Variants in PDE7B observed in about 807,000 individuals in gnomAD.
The protein encoded by PDE7B is 3',5'-cyclic-AMP phosphodiesterase 7B.
In PDE7B, 29 loss-of-function variants were observed where a neutral mutation model predicts 56.2. The ratio of observed to expected loss-of-function variants is 0.52; its 90% CI spans 0.38 to 0.70. PDE7B has a LOEUF of 0.70. PDE7B is among the 30% of genes least tolerant of loss of function. The pLI is 0.00. For missense variants in PDE7B, 490 were observed against 565.0 expected (o/e 0.87, Z 1.35); for synonymous variants, 197 against 196.9 (o/e 1.00, Z 0.00).
At chr6:135,863,686 C>A (rs1775195627) in intron 1 of PDE7B, among the ~76,000 whole-genome samples, 1 of 145,738 alleles carries the variant, frequency 6.9e-6, no homozygotes. Context: ...TAAAACATCC[C>A]TTCCAATTTT....
At chr6:136,183,129 T>C (rs897970837) in intron 11 of PDE7B, among the ~76,000 whole-genome samples, 3 of 150,802 alleles carry the variant, frequency 2.0e-5, no homozygotes, top group Admixed American at 6.6e-5. Context: ...TAGTAATATA[T>C]GCATGCATTA....
chr6:135,974,330 G>GTA (rs60499605), intron 2 of PDE7B, among the ~76,000 whole-genome samples: 44,176 of 150,594 alleles, frequency 0.29, 7,933 homozygotes, highest in East Asian at 0.49. Flanking sequence ...ATGTGTGTGT[G>GTA]TATATATATA....
intron 1 of PDE7B, among the ~76,000 whole-genome samples, chr6:135,884,434 C>T (rs1775665758): frequency 6.6e-6 from 1 of 152,150 alleles, no homozygotes; most frequent in South Asian, 2.1e-4. Context: ...CTCTTTTCAA[C>T]CAGTCTTTCC....
rs2128451328 is a variant in PDE7B at position 136,181,770 on chromosome 6, A to C, written c.1045+447A>C. ...CTTCTCCTTGCTTTCTTAAAAAAAA[A>C]AAAATAATGAAATTGGACACAGCTG... is the stretch of plus-strand genomic sequence containing the variant. On this transcript the variant is annotated intron_variant, in intron 11 of 12. Transcript: ENST00000308191. Among the ~76,000 whole-genome samples the C allele has an allele frequency of 2.0e-5, 3 of 152,232 alleles. No individual in the cohort carries two copies. The Middle Eastern group carries it at 0.01, about 518-fold the overall frequency.
chr6:136,052,623 C>G (rs1776651634), intron 2 of PDE7B, among the ~76,000 whole-genome samples: 1 of 146,874 alleles, frequency 6.8e-6, no homozygotes. Context: ...TACAGCCCCC[C>G]CCCACCCACA....
chr6:136,064,787 T>C (rs1776905720), intron 2 of PDE7B: 1 of 152,178 alleles, frequency 6.6e-6, no homozygotes, highest in South Asian at 2.1e-4. Context: ...GATTAGGAAG[T>C]TAGGCACCTA....
rs543123982 is a variant in PDE7B, at chr6:136,138,541, T to TC, written c.167-8806dup. ...TTTTTCTTGGATTGTTGCACGTTCT[T>TC]CCCCTTTAGAAAGCTACCTTGAGGA... On this transcript the variant is annotated intron_variant, in intron 3 of 12. Coordinates refer to ENST00000308191, the MANE Select transcript of PDE7B (RefSeq NM_018945.4). Among the ~76,000 whole-genome samples, 1,345 of 152,272 alleles carry TC rather than the reference T, an allele frequency of 8.8e-3. 17 individuals are homozygous for TC. The highest frequency in any genetic ancestry group is 9.7e-3 in the South Asian group (47 of 4,832).
intron 1 of PDE7B, among the ~76,000 whole-genome samples, chr6:135,907,976 C>A (rs1180992025): frequency 1.3e-5 from 2 of 151,722 alleles, no homozygotes; most frequent in Non-Finnish European, 2.9e-5. Context: ...CTCAGGAATG[C>A]AAAATTAAGT....
intron 3 of PDE7B, among the ~76,000 whole-genome samples, chr6:136,137,482 C>T (rs984086772): frequency 1.3e-5 from 2 of 152,104 alleles, no homozygotes; most frequent in African/African-American, 4.8e-5. Flanking sequence ...GCTCTGCTCA[C>T]TTAAACACAA....
At chr6:136,105,752 G>A (rs565847836) in intron 2 of PDE7B, among the ~76,000 whole-genome samples, 2 of 152,196 alleles carry the variant, frequency 1.3e-5, no homozygotes, top group African/African-American at 4.8e-5. Context: ...GTCAGTACAG[G>A]AGCCCCCAAG....
intron 1 of PDE7B, among the ~76,000 whole-genome samples, chr6:135,915,557 TG>T (rs1452745402): frequency 1.3e-5 from 2 of 152,178 alleles, no homozygotes; most frequent in East Asian, 1.9e-4. Flanking sequence ...ATAGACCTTT[TG>T]GGGGGTATAA....
At chr6:136,106,801 C>G (rs1777651645) in intron 2 of PDE7B, among the ~76,000 whole-genome samples, 1 of 152,140 alleles carries the variant, frequency 6.6e-6, no homozygotes, top group African/African-American at 2.4e-5. Flanking sequence ...AACACTTCAA[C>G]TTTTCTTGGT....
Position 136,173,881 on chromosome 6 carries a change from G to GC in PDE7B, c.796_797insC (p.Glu266AlafsTer7). The GC allele has an allele frequency of 6.2e-7, 1 of 1,607,756 alleles. No homozygotes were observed. Among genetic ancestry groups the GC allele is most frequent in the Non-Finnish European group, 8.5e-7 (1 of 1,174,386 alleles). On this transcript the variant is annotated frameshift_variant, in exon 9 of 13. Transcript: ENST00000308191. LOFTEE classifies it high-confidence loss of function. ...AAGGCTTCTTGCTCATTTGCCAAAG[G>GC]AAATGACGTAAGTGCTGCCGAGATG...
chr6:135,888,625 G>A (rs772412606), intron 1 of PDE7B, among the ~76,000 whole-genome samples: 6 of 150,382 alleles, frequency 4.0e-5, no homozygotes, highest in East Asian at 1.9e-4. Flanking sequence ...AACTAATGTC[G>A]ACAGTAGGTG....
In PDE7B at chr6:136,147,274, G is replaced by A. The variant is rs188846946; in HGVS notation, c.167-77G>A. On this transcript the variant is annotated intron_variant, in intron 3 of 12. Transcript: ENST00000308191. ...TCTTTTAAATTTCTCTTCTTTTAAT[G>A]CATTTATTTTTACAGAGTGGAGAAA... 533 of 862,900 alleles carry A rather than the reference G, an allele frequency of 6.2e-4. 3 individuals are homozygous for A. The African/African-American group carries it at 7.9e-3, about 13-fold the overall frequency. The allele number at this position is 862,900 out of a possible 1,614,324, so 53.5% of individuals were successfully genotyped here.
intron 3 of PDE7B, among the ~76,000 whole-genome samples, chr6:136,126,922 A>G (rs1211868718): frequency 6.6e-6 from 1 of 152,150 alleles, no homozygotes; most frequent in Non-Finnish European, 1.5e-5. Context: ...GTAACCAAAT[A>G]CCACCTGTTC....
chr6:135,982,902 A>G lies in PDE7B; in HGVS notation c.82+35378A>G, dbSNP rs575493820. On this transcript the variant is annotated intron_variant, in intron 2 of 12. Coordinates refer to ENST00000308191, the MANE Select transcript of PDE7B (RefSeq NM_018945.4). ...TCTGAGTGGACCCTCATGTCCTCTAAAGGCTTCTCCCTTAGACTCTTCTAA... is the reference window on the plus strand; with the variant it reads ...TCTGAGTGGACCCTCATGTCCTCTAGAGGCTTCTCCCTTAGACTCTTCTAA... Among the ~76,000 whole-genome samples the G allele has an allele frequency of 4.6e-5, 7 of 152,238 alleles. No individual in the cohort carries two copies. In the South Asian group the frequency reaches 1.5e-3, roughly 32 times the overall value.
chr6:135,900,616 A>G (rs1253151316), intron 1 of PDE7B, among the ~76,000 whole-genome samples: 1 of 151,358 alleles, frequency 6.6e-6, no homozygotes, highest in African/African-American at 2.4e-5. Context: ...CTCCTGTGTC[A>G]TGAAAGGCAT....
intron 11 of PDE7B, among the ~76,000 whole-genome samples, chr6:136,185,413 C>T (rs1426113977): frequency 6.6e-6 from 1 of 152,048 alleles, no homozygotes; most frequent in African/African-American, 2.4e-5. Context: ...GTCTCAGTTT[C>T]TTCATCTGTA....
Sources: gnomAD v4.1 joint callset for allele counts (sites outside exome capture counted in the v4.1 genomes callset) on GRCh38, gnomAD v4.1.1 for gene constraint, MANE v1.5 for transcripts, NCBI Gene and HGNC (gene_info 2026-07-23, HGNC 2026-07-21) for gene names.